Variants in KIAA0825 observed in about 807,000 individuals in gnomAD.
The protein encoded by KIAA0825 is KIAA0825, also known as uncharacterized protein KIAA0825.
KIAA0825 carries 119 observed loss-of-function variants against 147.6 expected under a neutral mutation model. The ratio of observed to expected loss-of-function variants is 0.81; its 90% CI spans 0.69 to 0.94. The LOEUF is 0.94. Among genes scored for constraint, KIAA0825 ranks in the 40% least tolerant of loss-of-function variants. The pLI is 0.00. For synonymous variants in KIAA0825, 470 were observed against 518.1 expected, an observed-to-expected ratio of 0.91 and a Z score of 1.26; for missense variants, 1,381 against 1,472.7, an observed-to-expected ratio of 0.94 and a Z score of 1.02.
intron 6 of KIAA0825, 52 bp downstream of exon 6, chr5:94,484,717 A>C: frequency 7.8e-7 from 1 of 1,275,786 alleles, no homozygotes; most frequent in Non-Finnish European, 1.0e-6. Context: ...AGCAGGAAGC[A>C]AAAACACAGA....
At chr5:94,261,290 G>T (rs954974855) in intron 20 of KIAA0825, among the ~76,000 whole-genome samples, 3 of 152,120 alleles carry the variant, frequency 2.0e-5, no homozygotes, top group Non-Finnish European at 4.4e-5. Context: ...GGGTGATGGA[G>T]TGAGAGTCTG....
chr5:94,456,148 G>A (rs1043654856), intron 12 of KIAA0825, among the ~76,000 whole-genome samples: 1 of 152,146 alleles, frequency 6.6e-6, no homozygotes, highest in Admixed American at 6.6e-5. Context: ...AGGGACTGGA[G>A]AATGCGGACA....
intron 20 of KIAA0825, among the ~76,000 whole-genome samples, chr5:94,235,631 T>A (rs1774998905): frequency 1.3e-5 from 2 of 152,206 alleles, no homozygotes; most frequent in African/African-American, 4.8e-5. Flanking sequence ...TGAAACAGCC[T>A]TCTATTGGAA....
chr5:94,266,601 C>T (rs1776747406), intron 20 of KIAA0825, among the ~76,000 whole-genome samples: 1 of 152,096 alleles, frequency 6.6e-6, no homozygotes, highest in African/African-American at 2.4e-5. Flanking sequence ...TATCCTTCAA[C>T]CAAAGCAACA....
At position 94,501,431 on chromosome 5, in the gene KIAA0825, G is replaced by C. The variant is rs966412407; in HGVS notation, c.971-16501C>G. On this transcript the variant is annotated intron_variant, in intron 5 of 20. Coordinates refer to ENST00000682413, the MANE Select transcript of KIAA0825 (RefSeq NM_001145678.3). Reference sequence around the variant, plus strand: ...ATTAAATGTCTAGGCACTCCTAGAAGAAAAACAACCTATCCAAGGTTACAT... The same window carrying C: ...ATTAAATGTCTAGGCACTCCTAGAACAAAAACAACCTATCCAAGGTTACAT... Among the ~76,000 whole-genome samples the C allele has an allele frequency of 2.6e-5, 4 of 152,296 alleles. No individual in the cohort carries two copies. In the East Asian group the frequency reaches 7.7e-4, roughly 29 times the overall value.
At chr5:94,225,469 C>T (rs372853833) in intron 20 of KIAA0825, among the ~76,000 whole-genome samples, 28 of 152,264 alleles carry the variant, frequency 1.8e-4, no homozygotes, top group Middle Eastern at 3.4e-3. Context: ...GAAGTCCTAA[C>T]GCCAACGTAA....
intron 20 of KIAA0825, among the ~76,000 whole-genome samples, chr5:94,324,733 AG>A (rs1331341696): frequency 1.3e-5 from 2 of 152,040 alleles, no homozygotes; most frequent in African/African-American, 4.8e-5. Flanking sequence ...GATAATGAAA[AG>A]AAAATGAGAC....
chr5:94,332,687 G>T (rs187266775), intron 20 of KIAA0825, among the ~76,000 whole-genome samples: 1 of 152,104 alleles, frequency 6.6e-6, no homozygotes, highest in African/African-American at 2.4e-5. Flanking sequence ...AGAAACATAC[G>T]TGTGCATGTG....
At chr5:94,540,673 A>C (rs1773114922) in intron 2 of KIAA0825, among the ~76,000 whole-genome samples, 1 of 152,262 alleles carries the variant, frequency 6.6e-6, no homozygotes, top group Non-Finnish European at 1.5e-5. Flanking sequence ...CATTTAGTTC[A>C]TGTGACTGAA....
chr5:94,390,683 G>A (rs1425683087), intron 18 of KIAA0825, among the ~76,000 whole-genome samples: 3 of 152,112 alleles, frequency 2.0e-5, no homozygotes, highest in Non-Finnish European at 4.4e-5. Flanking sequence ...CATAGCTAAT[G>A]GTGGGCAAAA....
chr5:94,594,093 A>G, intron 1 of KIAA0825: 1 of 543,446 alleles, frequency 1.8e-6, no homozygotes, highest in Non-Finnish European at 3.7e-6. Flanking sequence ...CTCTTATGTT[A>G]GTGTTTCTTG....
chr5:94,283,618 C>A (rs2150157199), intron 20 of KIAA0825, among the ~76,000 whole-genome samples: 1 of 152,170 alleles, frequency 6.6e-6, no homozygotes, highest in South Asian at 2.1e-4. Context: ...CAGCAATCAA[C>A]TGAATTTAAG....
chr5:94,155,471 C>T (rs1766957940), intron 20 of KIAA0825, among the ~76,000 whole-genome samples: 1 of 152,050 alleles, frequency 6.6e-6, no homozygotes, highest in Non-Finnish European at 1.5e-5. Flanking sequence ...CCTCCTGCCT[C>T]AGCCTCCCAA....
intron 20 of KIAA0825, among the ~76,000 whole-genome samples, chr5:94,323,683 A>T (rs1780418398): frequency 6.6e-6 from 1 of 151,952 alleles, no homozygotes; most frequent in African/African-American, 2.4e-5. Context: ...ATTCTTGTAT[A>T]TGAAAAAACA....
intron 20 of KIAA0825, among the ~76,000 whole-genome samples, chr5:94,200,179 C>T (rs1410881690): frequency 6.6e-6 from 1 of 152,136 alleles, no homozygotes; most frequent in Admixed American, 6.5e-5. Context: ...GGTAGTTCTC[C>T]CTGCCAACTC....
At chr5:94,402,629 T>C (rs1180061511) in intron 16 of KIAA0825, among the ~76,000 whole-genome samples, 1 of 151,856 alleles carries the variant, frequency 6.6e-6, no homozygotes, top group Non-Finnish European at 1.5e-5. Flanking sequence ...GTCCCTTCAA[T>C]TGACTTTAGT....
intron 14 of KIAA0825, among the ~76,000 whole-genome samples, chr5:94,419,854 A>C (rs138885622): frequency 6.6e-6 from 1 of 152,286 alleles, no homozygotes; most frequent in East Asian, 1.9e-4. Context: ...TGGTGTAATT[A>C]CTAGTAGCAT....
intron 2 of KIAA0825, among the ~76,000 whole-genome samples, chr5:94,548,501 GA>G: frequency 6.6e-6 from 1 of 152,068 alleles, no homozygotes; most frequent in South Asian, 2.1e-4. Flanking sequence ...AGGAAAGAAG[GA>G]AGAGATAACC....
chr5:94,489,570 T>TAAA (rs200850265), intron 5 of KIAA0825, among the ~76,000 whole-genome samples: 1 of 119,440 alleles, frequency 8.4e-6, no homozygotes. Flanking sequence ...ACCAGTGACT[T>TAAA]AAAAAAAAAA....
Sources: allele counts gnomAD v4.1 joint callset (sites outside exome capture counted in the v4.1 genomes callset), GRCh38; gene constraint gnomAD v4.1.1; transcripts MANE v1.5; gene names NCBI Gene and HGNC (gene_info 2026-07-23, HGNC 2026-07-21).